ARMH4: variants seen among roughly 807,000 people sequenced by gnomAD.
The protein encoded by ARMH4 is armadillo like helical domain containing 4.
Under a neutral mutation model 61.9 loss-of-function variants are expected in ARMH4, and 49 were observed. That is an observed-to-expected ratio of 0.79 (90% CI 0.63 to 1.00). The LOEUF is 1.00. Among genes scored for constraint, ARMH4 ranks in the 50% least tolerant of loss-of-function variants. The probability of loss-of-function intolerance (pLI) is 0.00; values close to 1 mark genes in which losing one functional copy is unlikely to be tolerated. For synonymous variants in ARMH4, 368 were observed against 341.5 expected, an observed-to-expected ratio of 1.08 and a Z score of -0.85; for missense variants, 934 against 930.0, an observed-to-expected ratio of 1.00 and a Z score of -0.06.
At chr14:58,016,010 T>C (rs1230406531) in intron 5 of ARMH4, among the ~76,000 whole-genome samples, 2 of 151,874 alleles carry the variant, frequency 1.3e-5, no homozygotes, top group African/African-American at 4.8e-5. Flanking sequence ...GAAGTATGAA[T>C]GGATACAGCT....
chr14:58,073,003 C>T (rs1310609707), intron 5 of ARMH4, among the ~76,000 whole-genome samples: 1 of 152,198 alleles, frequency 6.6e-6, no homozygotes, highest in Admixed American at 6.5e-5. Flanking sequence ...CTACAGCGCC[C>T]CTCCTTGGGG....
At chr14:58,043,456 A>G (rs1187416498) in intron 5 of ARMH4, among the ~76,000 whole-genome samples, 1 of 152,222 alleles carries the variant, frequency 6.6e-6, no homozygotes, top group African/African-American at 2.4e-5. Context: ...GACGTATCTC[A>G]AAATAATAAG....
chr14:58,020,861 T>C (rs1418286160), intron 5 of ARMH4, among the ~76,000 whole-genome samples: 1 of 152,198 alleles, frequency 6.6e-6, no homozygotes, highest in Non-Finnish European at 1.5e-5. Flanking sequence ...AAACTGAGAC[T>C]TTCCAAGATC....
At chr14:58,054,544 A>G (rs1270957396) in intron 5 of ARMH4, among the ~76,000 whole-genome samples, 1 of 152,192 alleles carries the variant, frequency 6.6e-6, no homozygotes, top group African/African-American at 2.4e-5. Flanking sequence ...AGTACATACA[A>G]TTTGTATGTG....
chr14:58,105,689 G>GAAAAAAAAA (rs1373693311), intron 4 of ARMH4, among the ~76,000 whole-genome samples: 1 of 91,246 alleles, frequency 1.1e-5, no homozygotes. Context: ...TCCATCTCAA[G>GAAAAAAAAA]AAAAAAAAAA....
chr14:58,024,692 G>T (rs1234623698), intron 5 of ARMH4, among the ~76,000 whole-genome samples: 24 of 152,122 alleles, frequency 1.6e-4, no homozygotes, highest in Non-Finnish European at 1.5e-5. Flanking sequence ...AACATTTATA[G>T]CCTTTGATTT....
intron 5 of ARMH4, among the ~76,000 whole-genome samples, chr14:58,015,120 G>T (rs1211385208): frequency 1.3e-5 from 2 of 152,238 alleles, no homozygotes; most frequent in East Asian, 1.9e-4. Context: ...ATCAATCCAG[G>T]CTTCACCGGT....
At chr14:58,106,026 C>A (rs775777377) in intron 4 of ARMH4, among the ~76,000 whole-genome samples, 3 of 152,098 alleles carry the variant, frequency 2.0e-5, no homozygotes, top group Non-Finnish European at 4.4e-5. Context: ...TCTAAGTAAC[C>A]ATCTCTCTTG....
intron 4 of ARMH4, among the ~76,000 whole-genome samples, chr14:58,122,968 C>G (rs569231021): frequency 6.6e-6 from 1 of 152,228 alleles, no homozygotes; most frequent in East Asian, 1.9e-4. Flanking sequence ...CCATTGAGGG[C>G]CAGGAGGTTA....
chr14:58,120,542 G>C (rs1886690702), intron 4 of ARMH4, among the ~76,000 whole-genome samples: 1 of 152,092 alleles, frequency 6.6e-6, no homozygotes, highest in South Asian at 2.1e-4. Context: ...AATATTTGAA[G>C]AGATATATTC....
Position 58,131,493 on chromosome 14 carries a change from C to T in ARMH4, c.1831+19G>A, listed in dbSNP as rs1887093397. On this transcript the variant is annotated intron_variant, in intron 4 of 7. Coordinates refer to ENST00000267485, the MANE Select transcript of ARMH4 (RefSeq NM_001001872.4). ...CACTCAACCAGTCCTTGAAAAGATC[C>T]CCTTCAAAGCATGAATACCTTCAGA... is the stretch of plus-strand genomic sequence containing the variant. The T allele has an allele frequency of 6.3e-7, 1 of 1,598,894 alleles. No individual in the cohort carries two copies. The highest frequency in any genetic ancestry group is 8.6e-7 in the Non-Finnish European group (1 of 1,166,934).
chr14:58,018,800 T>C (rs193042547), intron 5 of ARMH4, among the ~76,000 whole-genome samples: 30 of 152,164 alleles, frequency 2.0e-4, no homozygotes, highest in African/African-American at 7.0e-4. Context: ...CAAATCAGTA[T>C]GTTGAAGAGA....
chr14:58,109,377 T>C (rs1358935677), intron 4 of ARMH4, among the ~76,000 whole-genome samples: 5 of 152,210 alleles, frequency 3.3e-5, no homozygotes, highest in African/African-American at 1.2e-4. Context: ...ACTTTTTGTT[T>C]GTTTTAAATG....
rs34004432 is a variant in ARMH4, at chr14:58,015,754, T to TAA, written c.2090-3606_2090-3605dup. Among the ~76,000 whole-genome samples, 731 of 136,228 alleles carry TAA rather than the reference T, an allele frequency of 5.4e-3. 3 individuals carry two copies. The highest frequency in any genetic ancestry group is 0.017 in the African/African-American group (618 of 36,114). The allele number at this position is 136,228 out of a possible 152,430, so 89.4% of individuals were successfully genotyped here. The stretch of plus-strand genomic sequence containing the variant: ...AAAATTATAAAGAAATATTTTTAGT[T>TAA]AAAAAAAAAAAAAAAAAGATGATGG... On this transcript the variant is annotated intron_variant, in intron 5 of 7. Transcript: ENST00000267485.
intron 1 of ARMH4, among the ~76,000 whole-genome samples, chr14:58,150,890 C>T (rs964271038): frequency 1.3e-5 from 2 of 152,160 alleles, no homozygotes; most frequent in African/African-American, 2.4e-5. Flanking sequence ...TACTGGCATA[C>T]GTGCCGAAGT....
chr14:58,150,666 C>A (rs1157772503), intron 1 of ARMH4, among the ~76,000 whole-genome samples: 1 of 152,228 alleles, frequency 6.6e-6, no homozygotes, highest in African/African-American at 2.4e-5. Context: ...ACTTGGTGAG[C>A]CTTGGGAGTT....
At chr14:58,145,815 C>A (rs943388212) in intron 1 of ARMH4, among the ~76,000 whole-genome samples, 3 of 152,148 alleles carry the variant, frequency 2.0e-5, no homozygotes, top group African/African-American at 7.2e-5. Flanking sequence ...TCCCTCTCCC[C>A]ACTATCGAAA....
chr14:58,040,409 G>A (rs1883648637), intron 5 of ARMH4, among the ~76,000 whole-genome samples: 1 of 152,092 alleles, frequency 6.6e-6, no homozygotes, highest in African/African-American at 2.4e-5. Context: ...GTGAGAATAT[G>A]CAGGATTTGG....
intron 6 of ARMH4, among the ~76,000 whole-genome samples, chr14:58,010,437 T>C (rs559213045): frequency 6.6e-6 from 1 of 152,154 alleles, no homozygotes; most frequent in East Asian, 1.9e-4. Flanking sequence ...GGGGAAGATT[T>C]AAAGAGTTCC....
Sources: allele counts gnomAD v4.1 joint callset (sites outside exome capture counted in the v4.1 genomes callset), GRCh38; gene constraint gnomAD v4.1.1; transcripts MANE v1.5; gene names NCBI Gene and HGNC (gene_info 2026-07-23, HGNC 2026-07-21).